The following PPP2R5C variants were observed in gnomAD, a reference collection of about 807,000 sequenced individuals.
The protein encoded by PPP2R5C is serine/threonine-protein phosphatase 2A 56 kDa regulatory subunit gamma isoform.
A neutral mutation model predicts 68.9 loss-of-function variants in PPP2R5C; 7 were observed. The ratio of observed to expected loss-of-function variants is 0.10; its 90% confidence interval spans 0.06 to 0.19. The LOEUF is 0.19. Among genes scored for constraint, PPP2R5C ranks in the 10% least tolerant of loss-of-function variants. The pLI, the probability that PPP2R5C is intolerant of heterozygous loss-of-function variation, is 1.00. For synonymous variants in PPP2R5C, 210 were observed against 222.2 expected, an observed-to-expected ratio of 0.95 and a Z score of 0.49; for missense variants, 348 against 641.3, an observed-to-expected ratio of 0.54 and a Z score of 4.94.
At chr14:101,824,223 T>C in intron 1 of PPP2R5C, 1 of 1,175,068 alleles carries the variant, frequency 8.5e-7, no homozygotes, top group Non-Finnish European at 1.1e-6. Flanking sequence ...TCTTAGGATT[T>C]AGTACAAAAT....
At chr14:101,895,614 C>A (rs1016723564) in intron 8 of PPP2R5C, among the ~76,000 whole-genome samples, 1 of 152,146 alleles carries the variant, frequency 6.6e-6, no homozygotes. Flanking sequence ...TAATGTCTTC[C>A]AGGGCTCATT....
At chr14:101,846,650 G>T (rs1278657252) in intron 1 of PPP2R5C, among the ~76,000 whole-genome samples, 1 of 152,202 alleles carries the variant, frequency 6.6e-6, no homozygotes, top group Non-Finnish European at 1.5e-5. Flanking sequence ...GATTTATAGA[G>T]TAAGAGATCC....
chr14:101,794,542 G>A (rs1477761754), intron 3 of PPP2R5C, among the ~76,000 whole-genome samples: 1 of 152,150 alleles, frequency 6.6e-6, no homozygotes, highest in Non-Finnish European at 1.5e-5. Flanking sequence ...GCTACTGTTG[G>A]CATTTTTATT....
chr14:101,809,706 C>T, upstream of PPP2R5C: 1 of 762,826 alleles, frequency 1.3e-6, no homozygotes. Flanking sequence ...CGGAAAATAT[C>T]CCAGCTTTTA....
At chr14:101,927,303 A>G (rs1387362215) in exon 14 of PPP2R5C, 1 of 152,448 alleles carries the variant, frequency 6.6e-6, no homozygotes, top group African/African-American at 2.4e-5. Context: ...GAAGACAAAC[A>G]CTCACCAAAA....
chr14:101,850,130 G>T (rs1372317580), intron 1 of PPP2R5C, among the ~76,000 whole-genome samples: 1 of 147,520 alleles, frequency 6.8e-6, no homozygotes, highest in Non-Finnish European at 1.5e-5. Context: ...TGGTTAGCTA[G>T]TAAAAGCTCC....
chr14:101,821,452 G>GGTGTGTGTGTGT lies in PPP2R5C; in HGVS notation c.94+11437_94+11448dup, dbSNP rs71116851. 2.1e-3 allele frequency among the ~76,000 whole-genome samples: 260 copies of GGTGTGTGTGTGT among 121,400 alleles called. 4 individuals carry two copies. Among genetic ancestry groups the GGTGTGTGTGTGT allele is most frequent in the Admixed American group, 4.2e-3 (44 of 10,474 alleles). The allele number at this position is 121,400 out of a possible 152,430, so 79.6% of individuals were successfully genotyped here. On this transcript the variant is annotated intron_variant, in intron 1 of 13. Coordinates refer to ENST00000334743, the Ensembl canonical transcript of PPP2R5C. The stretch of plus-strand genomic sequence containing the variant: ...TCTCCCTGTGGGGGGTGGGTGGGTG[G>GGTGTGTGTGTGT]GTGTGTGTGTGTGTGTGTGTGTGTG...
In PPP2R5C at chr14:101,847,663, C is replaced by CTTTT. The variant is rs3043777; in HGVS notation, c.95-9007_95-9004dup. ...CTGTGTCCTCATGGTTGGGGCTGCT[C>CTTTT]TTTTTTTTTTTTTTTTTTTCCTGAG... On this transcript the variant is annotated intron_variant, in intron 1 of 13. Transcript: ENST00000334743. Among the ~76,000 whole-genome samples the CTTTT allele has an allele frequency of 4.6e-4, 59 of 128,278 alleles. 1 individual carries two copies. The highest frequency in any genetic ancestry group is 5.9e-4 in the African/African-American group (20 of 33,688). 84.2% of individuals were successfully genotyped at this position (128,278 alleles called of 152,430 possible).
Position 101,809,963 on chromosome 14 carries a change from G to T in PPP2R5C, c.21G>T (p.Ala7=), listed in dbSNP as rs1269714751. Residue 7 remains alanine, a synonymous_variant, in exon 1 of 14, where the codon GCG becomes GCT. Transcript: ENST00000334743. Reference sequence around the variant, plus strand: ...TCTAGATGTTGACATGTAATAAAGCGGGCAGCAGGATGGTGGTGGATGCGG... The same window carrying T: ...TCTAGATGTTGACATGTAATAAAGCTGGCAGCAGGATGGTGGTGGATGCGG... The T allele has an allele frequency of 3.1e-6, 5 of 1,613,892 alleles. 1 individual carries two copies. In the South Asian group the frequency reaches 5.5e-5, roughly 18 times the overall value.
chr14:101,882,052 A>C lies in PPP2R5C; in HGVS notation c.295-109A>C. ...TGCGTTTTGAGGATACGGAGGAGCTAAGTTACCATGGGAAGCGGCTACTGT... is the reference window on the plus strand; with the variant it reads ...TGCGTTTTGAGGATACGGAGGAGCTCAGTTACCATGGGAAGCGGCTACTGT... On this transcript the variant is annotated intron_variant, in intron 2 of 13. Coordinates refer to ENST00000334743, the Ensembl canonical transcript of PPP2R5C. This position sits in a 1 kb window ranked among gnomAD's most constrained non-coding sequence, Gnocchi z 4.9. 1 of 862,142 alleles carries C rather than the reference A, an allele frequency of 1.2e-6. No individual in the cohort carries two copies. The highest frequency in any genetic ancestry group is 1.7e-6 in the Non-Finnish European group (1 of 582,142). 53.4% of individuals were successfully genotyped at this position (862,142 alleles called of 1,614,324 possible). A position where few individuals can be genotyped will look rare whatever the true frequency, so the allele number is the denominator to read the frequency against.
chr14:101,905,268 C>T lies in PPP2R5C; in HGVS notation c.1024-1134C>T, dbSNP rs569172776. 5.3e-5 allele frequency among the ~76,000 whole-genome samples: 8 copies of T among 152,330 alleles called. No homozygotes were observed. The South Asian group carries it at 1.7e-3, about 32-fold the overall frequency. The stretch of plus-strand genomic sequence containing the variant: ...ACTCAGGAGGCTCAGGTAGGAGAAT[C>T]GCTTGAACCCAGGAGGCAGAGGTTG... On this transcript the variant is annotated intron_variant, in intron 9 of 13. Transcript: ENST00000334743.
rs967221085 is a variant in PPP2R5C, at chr14:101,899,481, C to T, written c.853-2238C>T. ...AGTAGACACCCTCCTCCACAGAGCA[C>T]GCCACACTGACGCAGCAAAATAGCT... On this transcript the variant is annotated intron_variant, in intron 8 of 13. Coordinates refer to ENST00000334743, the Ensembl canonical transcript of PPP2R5C. This position sits in a 1 kb window ranked among gnomAD's most constrained non-coding sequence, Gnocchi z 4.2. 2.0e-5 allele frequency among the ~76,000 whole-genome samples: 3 copies of T among 152,206 alleles called. No homozygotes were observed. The highest frequency in any genetic ancestry group is 3.2e-3 in the Middle Eastern group (1 of 316).
chr14:101,859,676 G>A (rs976229120), intron 2 of PPP2R5C, among the ~76,000 whole-genome samples: 1 of 152,178 alleles, frequency 6.6e-6, no homozygotes. Flanking sequence ...CTCTTGTCAA[G>A]AATTTAAGCA....
chr14:101,785,497 C>T (rs939526087), intron 2 of PPP2R5C, among the ~76,000 whole-genome samples: 1 of 152,148 alleles, frequency 6.6e-6, no homozygotes, highest in Non-Finnish European at 1.5e-5. Context: ...CCAACCCAGC[C>T]ATGTAGCATC....
chr14:101,897,206 G>A (rs987823998), intron 8 of PPP2R5C, among the ~76,000 whole-genome samples: 2 of 152,296 alleles, frequency 1.3e-5, no homozygotes, highest in Non-Finnish European at 2.9e-5. Flanking sequence ...CATAGTCAAG[G>A]CTTAGGGTGA....
chr14:101,888,037 G>C lies in PPP2R5C; in HGVS notation c.630-2200G>C, dbSNP rs1221260563. On this transcript the variant is annotated intron_variant, in intron 5 of 13. Coordinates refer to ENST00000334743, the Ensembl canonical transcript of PPP2R5C. This position sits in a 1 kb window ranked among gnomAD's most constrained non-coding sequence, Gnocchi z 5.6. ...TCTTTCTTCTGCCTACATCAAAGCA[G>C]GTTTAAAAAATTAGAAATTAAGAAT... Among the ~76,000 whole-genome samples the C allele has an allele frequency of 2.0e-5, 3 of 152,108 alleles. No homozygotes were observed. Among genetic ancestry groups the C allele is most frequent in the East Asian group, 1.9e-4 (1 of 5,190 alleles).
chr14:101,775,274 G>A (rs1053350550), intron 2 of PPP2R5C, among the ~76,000 whole-genome samples: 3 of 152,178 alleles, frequency 2.0e-5, no homozygotes, highest in African/African-American at 7.2e-5. Flanking sequence ...TTTAAATGAA[G>A]GGAAAGAGCT....
At chr14:101,816,295 A>G (rs570490659) in intron 1 of PPP2R5C, among the ~76,000 whole-genome samples, 1 of 152,208 alleles carries the variant, frequency 6.6e-6, no homozygotes, top group Non-Finnish European at 1.5e-5. Flanking sequence ...CAAGTGGTCT[A>G]AACGTGGGAT....
chr14:101,855,490 T>C (rs1474274435), intron 1 of PPP2R5C, among the ~76,000 whole-genome samples: 1 of 152,214 alleles, frequency 6.6e-6, no homozygotes, highest in African/African-American at 2.4e-5. Context: ...TGAAACTATA[T>C]CAGTAAAAGC....
Sources: gnomAD v4.1 joint callset for allele counts (sites outside exome capture counted in the v4.1 genomes callset) on GRCh38, gnomAD v4.1.1 for gene constraint, Gnocchi (gnomAD v3.1) non-coding constraint, MANE v1.5 for transcripts, NCBI Gene and HGNC (gene_info 2026-07-23, HGNC 2026-07-21) for gene names.